COL21A1: variants seen among roughly 807,000 people sequenced by gnomAD.
COL21A1 encodes the protein collagen alpha-1(XXI) chain.
A neutral mutation model predicts 137.9 loss-of-function variants in COL21A1; 149 were observed. That is an observed-to-expected ratio of 1.08 (90% CI 0.95 to 1.24). The LOEUF (loss-of-function observed/expected upper bound fraction) is 1.24. COL21A1 is among the 50% of genes most tolerant of loss of function. COL21A1 has a pLI of 0.00. For missense variants in COL21A1, 1,167 were observed against 1,158.4 expected, an observed-to-expected ratio of 1.01 and a Z score of -0.11; for synonymous variants, 456 against 391.5, an observed-to-expected ratio of 1.16 and a Z score of -1.95.
At chr6:56,250,869 C>T (rs1782837984), upstream of COL21A1, among the ~76,000 whole-genome samples, 1 of 152,150 alleles carries the variant, frequency 6.6e-6, no homozygotes, top group African/African-American at 2.4e-5. Flanking sequence ...TTACTAAATA[C>T]TTGTATGGCT....
intron 1 of COL21A1, among the ~76,000 whole-genome samples, chr6:56,226,917 C>A (rs1025497539): frequency 6.6e-6 from 1 of 151,816 alleles, no homozygotes; most frequent in African/African-American, 2.4e-5. Context: ...AGATAAGATT[C>A]CCATCTCTGT....
intron 1 of COL21A1, among the ~76,000 whole-genome samples, chr6:56,287,262 G>A (rs962202747): frequency 6.6e-6 from 1 of 152,110 alleles, no homozygotes; most frequent in African/African-American, 2.4e-5. Context: ...GCCCTGTGGT[G>A]GAAAAAATAA....
At chr6:56,271,239 C>T (rs908913345) in intron 1 of COL21A1, among the ~76,000 whole-genome samples, 2 of 152,204 alleles carry the variant, frequency 1.3e-5, no homozygotes, top group African/African-American at 4.8e-5. Context: ...GCAAAGGTCA[C>T]TCTTGTTATG....
chr6:56,261,826 G>A (rs1314625666), intron 1 of COL21A1, among the ~76,000 whole-genome samples: 1 of 152,128 alleles, frequency 6.6e-6, no homozygotes, highest in African/African-American at 2.4e-5. Context: ...TGGGGAATTG[G>A]GTGGTGGGAG....
At chr6:56,250,685 T>G (rs1192625272), upstream of COL21A1, among the ~76,000 whole-genome samples, 3 of 152,140 alleles carry the variant, frequency 2.0e-5, no homozygotes. Context: ...ATAGAAACTG[T>G]GATATTAACT....
chr6:56,080,395 G>A (rs1178053511), intron 17 of COL21A1, among the ~76,000 whole-genome samples: 1 of 151,726 alleles, frequency 6.6e-6, no homozygotes, highest in African/African-American at 2.4e-5. Flanking sequence ...ACAAAAAATT[G>A]TTCTAGAAGC....
intron 5 of COL21A1, among the ~76,000 whole-genome samples, chr6:56,168,818 C>T (rs1160916563): frequency 1.3e-5 from 2 of 150,100 alleles, no homozygotes; most frequent in Admixed American, 1.3e-4. Flanking sequence ...CATTTTTCAC[C>T]CCCTCTTTGA....
At chr6:56,313,260 A>G (rs1764653753) in intron 1 of COL21A1, among the ~76,000 whole-genome samples, 1 of 152,040 alleles carries the variant, frequency 6.6e-6, no homozygotes, top group African/African-American at 2.4e-5. Flanking sequence ...CCAAAAAAAG[A>G]TAGGGATGGA....
chr6:56,227,635 T>C (rs1405877204), intron 1 of COL21A1, among the ~76,000 whole-genome samples: 1 of 152,056 alleles, frequency 6.6e-6, no homozygotes, highest in Non-Finnish European at 1.5e-5. Flanking sequence ...ATTTTCCCAC[T>C]ACTATTTGTC....
At chr6:56,228,208 C>T (rs1189268174) in intron 1 of COL21A1, among the ~76,000 whole-genome samples, 4 of 151,834 alleles carry the variant, frequency 2.6e-5, no homozygotes, top group African/African-American at 4.8e-5. Flanking sequence ...GAAACATATT[C>T]TTGTTCACAT....
intron 1 of COL21A1, among the ~76,000 whole-genome samples, chr6:56,244,867 A>ACCAC (rs1359427837): frequency 3.9e-5 from 6 of 152,232 alleles, no homozygotes; most frequent in Non-Finnish European, 5.9e-5. Context: ...TTTTCACTAG[A>ACCAC]TCTACTTGGT....
intron 9 of COL21A1, among the ~76,000 whole-genome samples, chr6:56,158,279 T>C (rs1199637143): frequency 1.4e-5 from 2 of 138,258 alleles, no homozygotes; most frequent in Non-Finnish European, 3.1e-5. Context: ...TTTTTTTTTT[T>C]TTTTTTTTTC....
At position 56,170,772 on chromosome 6, in the gene COL21A1, T is replaced by A; in HGVS notation, c.903A>T (p.Leu301Phe). ...VKKIWDLWRI[L>F]TIDGRPQIAV... ...CTATTTGTGGCCTTCCATCAATAGT[T>A]AATATTCTCCATAAATCCCAAATTT... is the stretch of plus-strand genomic sequence containing the variant. The change falls in exon 5 of 30, where the codon TTA (leucine) becomes TTT (phenylalanine). Residue 301 changes from leucine (L) to phenylalanine (F), a missense_variant. Leu to Phe is a conservative substitution (Grantham distance 22, BLOSUM62 0). Coordinates refer to ENST00000244728, the MANE Select transcript of COL21A1 (RefSeq NM_030820.4). The A allele has an allele frequency of 6.2e-7, 1 of 1,608,232 alleles. No homozygotes were observed. The highest frequency in any genetic ancestry group is 8.5e-7 in the Non-Finnish European group (1 of 1,176,150).
At chr6:56,150,540 ACACACACACACACACACACACACAC>A (rs2152249241) in intron 10 of COL21A1, among the ~76,000 whole-genome samples, 2 of 151,370 alleles carry the variant, frequency 1.3e-5, no homozygotes, top group Non-Finnish European at 3.0e-5. Flanking sequence ...ACACACACAC[ACACACACACACACACACACACACAC>A]AAGAGTGGGG....
At chr6:56,301,994 T>C (rs993830769) in intron 1 of COL21A1, among the ~76,000 whole-genome samples, 6 of 152,110 alleles carry the variant, frequency 3.9e-5, no homozygotes, top group African/African-American at 1.2e-4. Flanking sequence ...TTTTTTGTCC[T>C]TGTGATAGTT....
chr6:56,190,685 T>A (rs577070644), intron 1 of COL21A1, among the ~76,000 whole-genome samples: 1 of 151,922 alleles, frequency 6.6e-6, no homozygotes, highest in African/African-American at 2.4e-5. Context: ...GACGCAAAAA[T>A]CCTCAATAAA....
chr6:56,241,566 G>A (rs372189876), intron 1 of COL21A1, among the ~76,000 whole-genome samples: 1 of 152,136 alleles, frequency 6.6e-6, no homozygotes, highest in Admixed American at 6.5e-5. Flanking sequence ...ATGATCCAAA[G>A]GCAAACTGCC....
chr6:56,135,947 C>T (rs1773965907), intron 12 of COL21A1, among the ~76,000 whole-genome samples: 1 of 152,114 alleles, frequency 6.6e-6, no homozygotes, highest in South Asian at 2.1e-4. Flanking sequence ...ACAATTCATC[C>T]TTAACTCATT....
intron 1 of COL21A1, among the ~76,000 whole-genome samples, chr6:56,377,796 AG>A (rs11315169): frequency 0.12 from 18,286 of 152,084 alleles, 1,395 homozygotes; most frequent in African/African-American, 0.22. Context: ...CACAGTTTGC[AG>A]CTCCAAAAGA....
Sources: gnomAD v4.1 joint callset for allele counts (sites outside exome capture counted in the v4.1 genomes callset) on GRCh38, gnomAD v4.1.1 for gene constraint, MANE v1.5 for transcripts, NCBI Gene and HGNC (gene_info 2026-07-23, HGNC 2026-07-21) for gene names.